Variants in ATP2B4 observed in about 807,000 individuals in gnomAD.
ATP2B4 encodes ATPase plasma membrane Ca2+ transporting 4.
Under a neutral mutation model 110.3 loss-of-function variants are expected in ATP2B4, and 39 were observed. The ratio of observed to expected loss-of-function variants is 0.35; its 90% CI spans 0.27 to 0.46. The LOEUF is 0.46. Among genes scored for constraint, ATP2B4 ranks in the 20% least tolerant of loss-of-function variants. The pLI is 1.00. For synonymous variants in ATP2B4, 538 were observed against 571.7 expected (o/e 0.94, Z 0.84); for missense variants, 1,135 against 1,530.9 (o/e 0.74, Z 4.32).
chr1:203,702,237 G>A (rs904161294), intron 7 of ATP2B4, among the ~76,000 whole-genome samples, 158 bp downstream of exon 7: 3 of 152,142 alleles, frequency 2.0e-5, no homozygotes, highest in African/African-American at 2.4e-5. Context: ...GATTTTTGGG[G>A]TGGTCTCAAG....
At chr1:203,673,041 G>A (rs1413514720) in intron 1 of ATP2B4, among the ~76,000 whole-genome samples, 1 of 152,218 alleles carries the variant, frequency 6.6e-6, no homozygotes, top group Non-Finnish European at 1.5e-5. Flanking sequence ...CAGAGGGAGA[G>A]GGAAGAGTGA....
rs1667006354 is a variant in ATP2B4, at chr1:203,742,020, T to C, written c.*2166T>C. The C allele has an allele frequency of 6.5e-6, 1 of 152,694 alleles. No homozygotes were observed. Among genetic ancestry groups the C allele is most frequent in the African/African-American group, 2.4e-5 (1 of 41,476 alleles). 9.5% of individuals were successfully genotyped at this position (152,694 alleles called of 1,614,324 possible). On this transcript the variant is annotated 3_prime_UTR_variant, in exon 21 of 21. Transcript: ENST00000357681. Reference sequence around the variant, plus strand: ...CAGGTTACCCTTGAGGGCTTGTGTCTACTTTTTAAAAGTCAATGGTTTTTT... The same window carrying C: ...CAGGTTACCCTTGAGGGCTTGTGTCCACTTTTTAAAAGTCAATGGTTTTTT...
chr1:203,668,606 T>C (rs2102341484), intron 1 of ATP2B4, among the ~76,000 whole-genome samples: 1 of 152,310 alleles, frequency 6.6e-6, no homozygotes, highest in Middle Eastern at 3.4e-3. Context: ...AGAATGCAGA[T>C]TGGCTCATGG....
intron 1 of ATP2B4, among the ~76,000 whole-genome samples, chr1:203,672,372 G>A (rs1031683555): frequency 7.5e-6 from 1 of 133,462 alleles, no homozygotes; most frequent in African/African-American, 2.7e-5. Context: ...TGATTTAGGG[G>A]GTTGGGAAAA....
chr1:203,697,466 T>C (rs1665565815), intron 2 of ATP2B4, among the ~76,000 whole-genome samples: 1 of 152,254 alleles, frequency 6.6e-6, no homozygotes, highest in African/African-American at 2.4e-5. Flanking sequence ...TTTAATGTTC[T>C]CAGAGCTGGA....
intron 13 of ATP2B4, 89 bp from the exon 14 acceptor site, chr1:203,713,076 C>G: frequency 7.2e-7 from 1 of 1,391,500 alleles, no homozygotes; most frequent in East Asian, 2.3e-5. Context: ...ACCCAATCTC[C>G]CAGTGACTCC....
chr1:203,714,147 C>G, intron 14 of ATP2B4, 24 bp from the exon 15 acceptor site: 1 of 1,610,816 alleles, frequency 6.2e-7, no homozygotes, highest in Non-Finnish European at 8.5e-7. Flanking sequence ...GAAAAGCTCA[C>G]TGTGGTGTGT....
chr1:203,633,739 T>TAAATAAATAAATAAAG lies in ATP2B4; in HGVS notation c.-465+6527_-465+6528insTAAATAAAGAAATAAA, dbSNP rs796705697. 2.0e-5 allele frequency among the ~76,000 whole-genome samples: 3 copies of TAAATAAATAAATAAAG among 151,462 alleles called. No homozygotes were observed. In the South Asian group the frequency reaches 6.3e-4, roughly 32 times the overall value. On this transcript the variant is annotated intron_variant, in intron 1 of 20. Coordinates refer to ENST00000357681, the MANE Select transcript of ATP2B4 (RefSeq NM_001684.5). ...ATAAATAAATAAATAAATAAATAAA[T>TAAATAAATAAATAAAG]AAATAAAGTAAATGCCAACTAATAA...
chr1:203,709,157 CAAA>C, intron 10 of ATP2B4, 141 bp from the exon 11 acceptor site: 1 of 1,220,050 alleles, frequency 8.2e-7, no homozygotes, highest in East Asian at 2.5e-5. Flanking sequence ...ACTCCATCTC[CAAA>C]AAAGAAAAAA....
chr1:203,720,808 C>G (rs4951112), intron 16 of ATP2B4, 68 bp downstream of exon 16: 324,940 of 1,511,258 alleles, frequency 0.22, 40,996 homozygotes, highest in African/African-American at 0.49. Flanking sequence ...GGAGTGAAGA[C>G]TACGGTGTGT....
At chr1:203,653,306 G>T (rs1159947214) in intron 1 of ATP2B4, among the ~76,000 whole-genome samples, 1 of 152,212 alleles carries the variant, frequency 6.6e-6, no homozygotes, top group African/African-American at 2.4e-5. Flanking sequence ...GCAGAGCTTG[G>T]TTCTTGAGGT....
chr1:203,678,246 GT>G (rs1571712546), intron 1 of ATP2B4, among the ~76,000 whole-genome samples: 3 of 152,114 alleles, frequency 2.0e-5, no homozygotes, highest in African/African-American at 4.8e-5. Flanking sequence ...TTTCCTCATA[GT>G]TTGGGGATGT....
rs751416703 is a variant in ATP2B4, at chr1:203,721,396, T to A, written c.2798T>A (p.Ile933Asn). The part of the protein sequence containing the change: ...HAFYQLIVIF[I>N]LVFAGEKFFD... ...TTCTATCAGCTCATTGTCATCTTTATCCTTGTCTTTGCGGGTGAGCCACTT... is the reference window on the plus strand; with the variant it reads ...TTCTATCAGCTCATTGTCATCTTTAACCTTGTCTTTGCGGGTGAGCCACTT... Residue 933 changes from isoleucine to asparagine, a missense_variant, in exon 17 of 21, where the codon ATC (isoleucine) becomes AAC (asparagine). By Grantham distance (149) the Ile-to-Asn change is moderately radical. Transcript: ENST00000357681. 2 of 1,613,980 alleles carry A rather than the reference T, an allele frequency of 1.2e-6. No homozygotes were observed. The highest frequency in any genetic ancestry group is 1.7e-5 in the Admixed American group (1 of 60,000).
At chr1:203,709,122 A>C (rs772911220) in intron 10 of ATP2B4, among the ~76,000 whole-genome samples, 179 bp from the exon 11 acceptor site, 2 of 152,038 alleles carry the variant, frequency 1.3e-5, no homozygotes, top group Non-Finnish European at 2.9e-5. Context: ...GTGCCACTGC[A>C]CTCCAGGCTG....
chr1:203,698,320 G>A lies in ATP2B4; in HGVS notation c.357G>A (p.Leu119=). The change falls in exon 3 of 21, where the codon CTG becomes CTA. Residue 119 remains leucine (L), a synonymous_variant. Coordinates refer to ENST00000357681, the MANE Select transcript of ATP2B4 (RefSeq NM_001684.5). ...LEIAAIISLV[L]SFYRPAGEEN... is the part of the protein sequence containing the mutation. ...TTGCAGCCATCATCTCCCTGGTCCT[G>A]TCCTTTTATCGCCCTGCTGGTGAAG... 1 of 1,614,138 alleles carries A rather than the reference G, an allele frequency of 6.2e-7. No individual in the cohort carries two copies. The highest frequency in any genetic ancestry group is 8.5e-7 in the Non-Finnish European group (1 of 1,180,036).
At chr1:203,643,090 C>A (rs1442565590) in intron 1 of ATP2B4, among the ~76,000 whole-genome samples, 1 of 152,190 alleles carries the variant, frequency 6.6e-6, no homozygotes, top group Non-Finnish European at 1.5e-5. Context: ...AGGCCCCAGC[C>A]TCCTGCAACT....
chr1:203,650,550 G>C (rs922973386), intron 1 of ATP2B4, among the ~76,000 whole-genome samples: 2 of 152,194 alleles, frequency 1.3e-5, no homozygotes, highest in Non-Finnish European at 2.9e-5. Context: ...GCTGCTTCCC[G>C]GGCCGCGCTG....
At chr1:203,693,483 C>CA (rs903859088) in intron 2 of ATP2B4, among the ~76,000 whole-genome samples, 13 of 150,968 alleles carry the variant, frequency 8.6e-5, no homozygotes, top group Admixed American at 3.3e-4. Flanking sequence ...TAGAAAATGG[C>CA]AAAAAAAAGA....
Position 203,686,685 on chromosome 1 carries a change from CTTTTTTTTTTTTT to C in ATP2B4, c.193+3301_193+3313del, listed in dbSNP as rs779048789. ...CCTGGTGTTTTTCTTTCTTTTCTTT[CTTTTTTTTTTTTT>C]TTTTTTTTTTTTTAGAAGGAGTTTT... On this transcript the variant is annotated intron_variant, in intron 2 of 20. Coordinates refer to ENST00000357681, the MANE Select transcript of ATP2B4 (RefSeq NM_001684.5). Among the ~76,000 whole-genome samples, 5 of 42,776 alleles carry C rather than the reference CTTTTTTTTTTTTT, an allele frequency of 1.2e-4. No homozygotes were observed. The Admixed American group carries it at 1.4e-3, about 12-fold the overall frequency. The allele number at this position is 42,776 out of a possible 152,430, so 28.1% of individuals were successfully genotyped here.
Sources: gnomAD v4.1 joint callset for allele counts (sites outside exome capture counted in the v4.1 genomes callset) on GRCh38, gnomAD v4.1.1 for gene constraint, MANE v1.5 for transcripts, NCBI Gene and HGNC (gene_info 2026-07-23, HGNC 2026-07-21) for gene names.